The following DNAH7 variants were observed in gnomAD, a reference collection of about 807,000 sequenced individuals.
The protein encoded by DNAH7 is axonemal beta dynein heavy chain 7.
DNAH7 carries 397 observed loss-of-function variants against 444.6 expected under a neutral mutation model. That is an observed-to-expected ratio of 0.89 (90% CI 0.82 to 0.97). The LOEUF (loss-of-function observed/expected upper bound fraction) is 0.97, where lower values mean the gene tolerates loss of function less well. Among genes scored for constraint, DNAH7 ranks in the 50% least tolerant of loss-of-function variants. DNAH7 has a pLI of 0.00. For synonymous variants in DNAH7, 1,636 were observed against 1,624.4 expected (o/e 1.01, Z -0.17); for missense variants, 4,902 against 4,800.8 (o/e 1.02, Z -0.62).
intron 2 of DNAH7, among the ~76,000 whole-genome samples, chr2:196,052,767 A>G (rs970267253): frequency 6.6e-6 from 1 of 152,232 alleles, no homozygotes; most frequent in Non-Finnish European, 1.5e-5. Context: ...GCCTTAAAGC[A>G]TACCTGGATC....
At chr2:195,807,811 T>C (rs1696783096) in intron 53 of DNAH7, among the ~76,000 whole-genome samples, 1 of 152,228 alleles carries the variant, frequency 6.6e-6, no homozygotes, top group African/African-American at 2.4e-5. Context: ...TTTAAATTAG[T>C]TGAGGTACTC....
At chr2:195,901,406 A>T (rs1403144385) in intron 27 of DNAH7, 1 of 152,228 alleles carries the variant, frequency 6.6e-6, no homozygotes, top group Non-Finnish European at 1.5e-5. Flanking sequence ...CAAATCATAT[A>T]GATAAAAAGC....
chr2:196,061,334 C>T (rs7422929), intron 1 of DNAH7, among the ~76,000 whole-genome samples: 2 of 151,874 alleles, frequency 1.3e-5, no homozygotes, highest in Non-Finnish European at 2.9e-5. Flanking sequence ...TTATCTCCCC[C>T]GTATTAACCT....
At position 195,889,976 on chromosome 2, in the gene DNAH7, G is replaced by A. The variant is rs570923367; in HGVS notation, c.5047-995C>T. Among the ~76,000 whole-genome samples the A allele has an allele frequency of 2.0e-5, 3 of 152,276 alleles. No homozygotes were observed. In the East Asian group the frequency reaches 5.8e-4, roughly 29 times the overall value. ...TCAACAGATATGAAACAGTAGCCAGGTATTAGCCAGAGTGTACAGAGACTG... is the reference window on the plus strand; with the variant it reads ...TCAACAGATATGAAACAGTAGCCAGATATTAGCCAGAGTGTACAGAGACTG... On this transcript the variant is annotated intron_variant, in intron 31 of 64. Coordinates refer to ENST00000312428, the MANE Select transcript of DNAH7 (RefSeq NM_018897.3).
At chr2:195,821,563 C>G (rs1486568467) in intron 49 of DNAH7, among the ~76,000 whole-genome samples, 1 of 152,152 alleles carries the variant, frequency 6.6e-6, no homozygotes, top group African/African-American at 2.4e-5. Flanking sequence ...ACCCACAAGA[C>G]CCAGGGCTCA....
intron 15 of DNAH7, among the ~76,000 whole-genome samples, chr2:195,979,394 A>G (rs1692411967): frequency 1.3e-5 from 2 of 152,196 alleles, no homozygotes; most frequent in South Asian, 4.1e-4. Context: ...TGAAGAAATT[A>G]AGAAGGAAAT....
chr2:195,954,714 G>C (rs143978567), intron 19 of DNAH7, among the ~76,000 whole-genome samples: 1,705 of 152,206 alleles, frequency 0.011, 34 homozygotes, highest in East Asian at 0.071. Context: ...TTTAATGATT[G>C]CCATTCTAAC....
intron 12 of DNAH7, among the ~76,000 whole-genome samples, chr2:195,993,764 T>C (rs1028119517): frequency 2.0e-5 from 3 of 152,228 alleles, no homozygotes; most frequent in African/African-American, 7.2e-5. Context: ...TGACTTCAAG[T>C]TTGCATTTGC....
At chr2:195,757,967 C>T (rs959136908) in intron 61 of DNAH7, among the ~76,000 whole-genome samples, 7 of 152,144 alleles carry the variant, frequency 4.6e-5, no homozygotes, top group Non-Finnish European at 7.3e-5. Context: ...ATGGCAGGCC[C>T]CGTTAGGGCC....
intron 21 of DNAH7, among the ~76,000 whole-genome samples, chr2:195,932,879 T>G (rs1169943952): frequency 1.3e-5 from 2 of 152,176 alleles, no homozygotes; most frequent in Non-Finnish European, 2.9e-5. Context: ...TCTAAAATTC[T>G]CTTTTTTTGC....
Position 195,737,865 on chromosome 2 carries a change from C to T in DNAH7, c.*56G>A. Reference sequence around the variant, plus strand: ...AAAAAGGTTTAAGTAGTAAAATATGCTTTCTCTACTCAGCCAGCCAACAAG... The same window carrying T: ...AAAAAGGTTTAAGTAGTAAAATATGTTTTCTCTACTCAGCCAGCCAACAAG... On this transcript the variant is annotated 3_prime_UTR_variant, in exon 65 of 65. Transcript: ENST00000312428. 1 of 1,377,842 alleles carries T rather than the reference C, an allele frequency of 7.3e-7. No homozygotes were observed. Among genetic ancestry groups the T allele is most frequent in the East Asian group, 2.3e-5 (1 of 42,708 alleles). 85.4% of individuals were successfully genotyped at this position (1,377,842 alleles called of 1,614,324 possible). A position where few individuals can be genotyped will look rare whatever the true frequency, so the allele number is the denominator to read the frequency against.
chr2:195,856,428 A>C (rs947732945), intron 44 of DNAH7, among the ~76,000 whole-genome samples: 6 of 152,218 alleles, frequency 3.9e-5, no homozygotes, highest in Admixed American at 3.9e-4. Context: ...AATAAAAGGA[A>C]TTATATAGGA....
chr2:195,774,628 G>A (rs539600095), intron 60 of DNAH7, among the ~76,000 whole-genome samples: 19 of 152,284 alleles, frequency 1.2e-4, no homozygotes, highest in Admixed American at 4.6e-4. Flanking sequence ...ATTTGAAATC[G>A]TACTAGCTGA....
intron 27 of DNAH7, among the ~76,000 whole-genome samples, chr2:195,906,428 C>T (rs1328395238): frequency 3.4e-5 from 5 of 148,648 alleles, no homozygotes; most frequent in Non-Finnish European, 7.4e-5. Flanking sequence ...CACACACACA[C>T]ACTTTTAAAA....
intron 5 of DNAH7, among the ~76,000 whole-genome samples, chr2:196,038,181 G>A (rs948492599): frequency 2.6e-5 from 4 of 151,950 alleles, no homozygotes; most frequent in Admixed American, 2.0e-4. Context: ...CAGAAGTGAG[G>A]AGAAATAAGG....
At position 195,737,945 on chromosome 2, in the gene DNAH7, T is replaced by C. The variant is rs771869351; in HGVS notation, c.12051A>G (p.Ala4017=). 6.2e-7 allele frequency: 1 copy of C among 1,614,066 alleles called. No homozygotes were observed. The highest frequency in any genetic ancestry group is 1.1e-5 in the South Asian group (1 of 91,074). The change falls in exon 65 of 65, where the codon GCA becomes GCG. Residue 4017 remains alanine, a synonymous_variant. Coordinates refer to ENST00000312428, the MANE Select transcript of DNAH7 (RefSeq NM_018897.3). ...GTTATGAATTAAGTTGACATAACAGTGCTACACCTCGTCCAATCCAGTGTT... is the reference window on the plus strand; with the variant it reads ...GTTATGAATTAAGTTGACATAACAGCGCTACACCTCGTCCAATCCAGTGTT... ...PKEHWIGRGV[A]LLCQLNS
In DNAH7 at chr2:195,783,865, A is replaced by G. The variant is rs1415325485; in HGVS notation, c.10878+3145T>C. ...TAACCACCAAATTAGTTGGCATGGC[A>G]TAACGTTCCAAATCACTCACAGTTA... On this transcript the variant is annotated intron_variant, in intron 58 of 64. Coordinates refer to ENST00000312428, the MANE Select transcript of DNAH7 (RefSeq NM_018897.3). Among the ~76,000 whole-genome samples, 8 of 152,348 alleles carry G rather than the reference A, an allele frequency of 5.3e-5. 1 individual carries two copies. The East Asian group carries it at 1.5e-3, about 29-fold the overall frequency.
chr2:195,911,316 T>C (rs1451744059), intron 24 of DNAH7, among the ~76,000 whole-genome samples: 1 of 152,076 alleles, frequency 6.6e-6, no homozygotes, highest in East Asian at 1.9e-4. Flanking sequence ...AAAAATATAA[T>C]TTAAAAACTC....
intron 36 of DNAH7, among the ~76,000 whole-genome samples, chr2:195,877,753 C>T (rs186803535): frequency 6.6e-6 from 1 of 152,164 alleles, no homozygotes; most frequent in Non-Finnish European, 1.5e-5. Flanking sequence ...GTCAGAGATT[C>T]TGGAGGAAGG....
Sources: gnomAD v4.1 joint callset for allele counts (sites outside exome capture counted in the v4.1 genomes callset) on GRCh38, gnomAD v4.1.1 for gene constraint, MANE v1.5 for transcripts, NCBI Gene and HGNC (gene_info 2026-07-23, HGNC 2026-07-21) for gene names.